LPXN: variants seen among roughly 807,000 people sequenced by gnomAD.
The protein encoded by LPXN is leupaxin.
In LPXN, 28 loss-of-function variants were observed where a neutral mutation model predicts 45.6. The observed-to-expected ratio is 0.61, with a 90% CI of 0.45 to 0.84. The LOEUF (loss-of-function observed/expected upper bound fraction) is 0.84. Ranked by LOEUF, LPXN falls within the 40% of genes least tolerant of loss-of-function variation. The pLI is 0.00. For missense variants in LPXN, 459 were observed against 475.0 expected, an observed-to-expected ratio of 0.97 and a Z score of 0.31; for synonymous variants, 166 against 169.9, an observed-to-expected ratio of 0.98 and a Z score of 0.18.
At chr11:58,547,854 G>A (rs1216953526) in intron 7 of LPXN, among the ~76,000 whole-genome samples, 1 of 152,072 alleles carries the variant, frequency 6.6e-6, no homozygotes, top group Non-Finnish European at 1.5e-5. Context: ...TATGAGAGGA[G>A]AAATCCTTCC....
chr11:58,533,140 CT>C (rs1475527230), intron 7 of LPXN, among the ~76,000 whole-genome samples: 3 of 152,230 alleles, frequency 2.0e-5, no homozygotes, highest in African/African-American at 7.2e-5. Flanking sequence ...AAGGAACAAA[CT>C]CCGGACACAC....
intron 3 of LPXN, among the ~76,000 whole-genome samples, chr11:58,562,810 T>TG (rs1854417013): frequency 7.8e-5 from 1 of 12,798 alleles, no homozygotes; most frequent in South Asian, 0.014. Flanking sequence ...TAGAGCGACT[T>TG]GTGGGGGGGA....
intron 7 of LPXN, among the ~76,000 whole-genome samples, chr11:58,546,386 G>C (rs1345478013): frequency 6.6e-6 from 1 of 152,126 alleles, no homozygotes; most frequent in South Asian, 2.1e-4. Context: ...TGTAAATATT[G>C]AACAAGAGAG....
At chr11:58,558,203 TGTG>T (rs1854265872) in intron 3 of LPXN, among the ~76,000 whole-genome samples, 1 of 150,636 alleles carries the variant, frequency 6.6e-6, no homozygotes, top group Non-Finnish European at 1.5e-5. Flanking sequence ...TCTTGATAGA[TGTG>T]GTGTCTTATA....
At chr11:58,565,276 G>A (rs1016995244) in intron 2 of LPXN, among the ~76,000 whole-genome samples, 3 of 152,132 alleles carry the variant, frequency 2.0e-5, no homozygotes, top group Admixed American at 6.5e-5. Context: ...GCTCACGCCC[G>A]TAATCCCAGT....
intron 7 of LPXN, among the ~76,000 whole-genome samples, chr11:58,542,656 A>T (rs952333747): frequency 6.6e-6 from 1 of 152,218 alleles, no homozygotes; most frequent in Middle Eastern, 3.5e-3. Context: ...TTAGGCATAT[A>T]GCATTTTATT....
chr11:58,539,779 T>C (rs1853660408), intron 7 of LPXN, among the ~76,000 whole-genome samples: 1 of 152,220 alleles, frequency 6.6e-6, no homozygotes, highest in Non-Finnish European at 1.5e-5. Flanking sequence ...TTATCTCACC[T>C]TTCCTGTATG....
rs1854040783 is a variant in LPXN at position 58,551,193 on chromosome 11, C to T, written c.358G>A (p.Asp120Asn). Residue 120 changes from aspartate to asparagine, a missense_variant, in exon 5 of 9, where the codon GAC becomes AAC. Coordinates refer to ENST00000395074, the MANE Select transcript of LPXN (RefSeq NM_004811.3). The stretch of plus-strand genomic sequence containing the variant: ...AGGGAGGCCTTGTGATCCTGCTTGT[C>T]TGGTAAGTGCTTCTTGCCAGCATCT... ...RADAGKKHLP[D>N]KQDHKASLDS... 6.2e-7 allele frequency: 1 copy of T among 1,611,194 alleles called. No homozygotes were observed. The highest frequency in any genetic ancestry group is 8.5e-7 in the Non-Finnish European group (1 of 1,178,822).
At chr11:58,566,302 C>A (rs1854526778) in intron 2 of LPXN, among the ~76,000 whole-genome samples, 1 of 152,096 alleles carries the variant, frequency 6.6e-6, no homozygotes, top group African/African-American at 2.4e-5. Flanking sequence ...ACTGATGAAC[C>A]TGTAAGTTCT....
chr11:58,532,632 C>G (rs1853426911), intron 7 of LPXN, among the ~76,000 whole-genome samples: 1 of 152,190 alleles, frequency 6.6e-6, no homozygotes, highest in Non-Finnish European at 1.5e-5. Flanking sequence ...CCAATCAGCA[C>G]TCTGTGTCTA....
chr11:58,549,749 TG>T (rs760042551), intron 7 of LPXN, 36 bp downstream of exon 7: 2 of 1,556,518 alleles, frequency 1.3e-6, no homozygotes, highest in Admixed American at 1.7e-5. Context: ...AACTACCCAC[TG>T]GGGTGTGGGA....
At chr11:58,552,693 G>A (rs146219345) in intron 4 of LPXN, among the ~76,000 whole-genome samples, 16 of 152,222 alleles carry the variant, frequency 1.1e-4, no homozygotes, top group Non-Finnish European at 1.6e-4. Context: ...ATTTTGCTTC[G>A]AGACATTTTG....
At chr11:58,549,938 G>A (rs777571402) in intron 6 of LPXN, 35 bp downstream of exon 6, 8 of 1,613,652 alleles carry the variant, frequency 5.0e-6, no homozygotes, top group South Asian at 1.1e-5. Flanking sequence ...CTAAGTGAGT[G>A]ACTGAAAGCT....
chr11:58,539,125 T>C (rs759623308), intron 7 of LPXN, among the ~76,000 whole-genome samples: 5 of 152,078 alleles, frequency 3.3e-5, no homozygotes, highest in Non-Finnish European at 5.9e-5. Context: ...CTGGGCAATG[T>C]AGTGAGACCC....
chr11:58,547,765 G>A (rs537840276), intron 7 of LPXN, among the ~76,000 whole-genome samples: 1 of 152,250 alleles, frequency 6.6e-6, no homozygotes, highest in African/African-American at 2.4e-5. Flanking sequence ...TTTGTGTTTT[G>A]TTTCTTAAAT....
At chr11:58,575,417 A>C (rs1854853583) in intron 1 of LPXN, among the ~76,000 whole-genome samples, 1 of 152,034 alleles carries the variant, frequency 6.6e-6, no homozygotes, top group Non-Finnish European at 1.5e-5. Context: ...TTGTCTCGCT[A>C]TGTGGCCACC....
intron 3 of LPXN, among the ~76,000 whole-genome samples, chr11:58,556,214 C>T (rs1025307436): frequency 6.6e-6 from 1 of 151,104 alleles, no homozygotes; most frequent in African/African-American, 2.4e-5. Context: ...ACTGGTTATC[C>T]AAAAATAGTT....
At chr11:58,535,774 T>C (rs1396349185) in intron 7 of LPXN, among the ~76,000 whole-genome samples, 3 of 152,176 alleles carry the variant, frequency 2.0e-5, no homozygotes, top group African/African-American at 7.2e-5. Flanking sequence ...GAAAACCCCA[T>C]CATCTCAACC....
chr11:58,528,411 G>C (rs1853292644), intron 7 of LPXN, among the ~76,000 whole-genome samples: 1 of 152,172 alleles, frequency 6.6e-6, no homozygotes, highest in Non-Finnish European at 1.5e-5. Flanking sequence ...TAAGTGTTAG[G>C]GGCTATTGCT....
Sources: allele counts gnomAD v4.1 joint callset (sites outside exome capture counted in the v4.1 genomes callset), GRCh38; gene constraint gnomAD v4.1.1; transcripts MANE v1.5; gene names NCBI Gene and HGNC (gene_info 2026-07-23, HGNC 2026-07-21).